The following RNF17 variants were observed in gnomAD, a reference collection of about 807,000 sequenced individuals.
The protein encoded by RNF17 is ring finger protein 17.
RNF17 carries 31 observed loss-of-function variants against 200.5 expected under a neutral mutation model. The ratio of observed to expected loss-of-function variants is 0.15; its 90% confidence interval spans 0.12 to 0.21. The LOEUF is 0.21. Ranked by LOEUF, RNF17 falls within the 10% of genes least tolerant of loss-of-function variation. RNF17 has a pLI of 1.00. For synonymous variants in RNF17, 606 were observed against 637.8 expected (o/e 0.95, Z 0.75); for missense variants, 1,628 against 1,905.1 (o/e 0.85, Z 2.71).
intron 10 of RNF17, among the ~76,000 whole-genome samples, chr13:24,793,863 CTAA>C (rs1167093337): frequency 6.6e-6 from 1 of 152,150 alleles, no homozygotes; most frequent in African/African-American, 2.4e-5. Flanking sequence ...TAGTTTTATA[CTAA>C]TAGTCTCCTT....
At chr13:24,809,634 A>C (rs1355447990) in intron 15 of RNF17, among the ~76,000 whole-genome samples, 2 of 151,366 alleles carry the variant, frequency 1.3e-5, no homozygotes, top group East Asian at 3.9e-4. Context: ...TTGTGTCTCT[A>C]TTTCCTTCAG....
chr13:24,780,889 AAAAATT>A (rs1271185314), intron 5 of RNF17, among the ~76,000 whole-genome samples: 1 of 148,558 alleles, frequency 6.7e-6, no homozygotes, highest in African/African-American at 2.6e-5. Flanking sequence ...TTCCAAAAAA[AAAAATT>A]AAAAATTAAT....
the RNF17 span, among the ~76,000 whole-genome samples, chr13:24,747,988 T>C: frequency 6.6e-6 from 1 of 152,146 alleles, no homozygotes; most frequent in Non-Finnish European, 1.5e-5. Context: ...CAGTCGGGCC[T>C]GGCCCTGCTG....
At chr13:24,799,626 C>T (rs757624920) in intron 12 of RNF17, 42 bp downstream of exon 12, 1 of 1,269,978 alleles carries the variant, frequency 7.9e-7, no homozygotes, top group South Asian at 1.3e-5. Context: ...TGCTTAGAAA[C>T]ATTTTGGAGG....
Position 24,764,217 on chromosome 13 carries a change from CT to C in RNF17, c.16del (p.Ser6ArgfsTer56). MAAE[A>X]SKTGPSRSSY... Reference sequence around the variant, plus strand: ...AAAGAGACAGCGATGGCGGCAGAGGCTTCGAAGACTGGGCCTTCTAGGTCTT... The same window carrying C: ...AAAGAGACAGCGATGGCGGCAGAGGCTCGAAGACTGGGCCTTCTAGGTCTT... On this transcript the variant is annotated frameshift_variant, in exon 1 of 36. Coordinates refer to ENST00000255324, the MANE Select transcript of RNF17 (RefSeq NM_031277.3). LOFTEE classifies it high-confidence loss of function. 6.3e-7 allele frequency: 1 copy of C among 1,597,948 alleles called. No homozygotes were observed. Among genetic ancestry groups the C allele is most frequent in the Non-Finnish European group, 8.6e-7 (1 of 1,167,404 alleles).
chr13:24,885,152 A>G, the RNF17 span: 3 of 693,666 alleles, frequency 4.3e-6, no homozygotes, highest in South Asian at 5.0e-5. Context: ...TGAATCTCTG[A>G]ACGAGAAATG....
chr13:24,769,067 C>T (rs751647471), intron 2 of RNF17, among the ~76,000 whole-genome samples: 22 of 141,544 alleles, frequency 1.6e-4, no homozygotes, highest in Non-Finnish European at 2.9e-4. Context: ...GAGCCCTCCT[C>T]ATGTGGTTGT....
chr13:24,851,363 GA>G lies in RNF17; in HGVS notation c.3205-90del. The G allele has an allele frequency of 7.0e-6, 6 of 861,632 alleles. No homozygotes were observed. In the South Asian group the frequency reaches 9.1e-5, roughly 13 times the overall value. 53.4% of individuals were successfully genotyped at this position (861,632 alleles called of 1,614,324 possible). A position where few individuals can be genotyped will look rare whatever the true frequency, so the allele number is the denominator to read the frequency against. On this transcript the variant is annotated intron_variant, in intron 23 of 35. Transcript: ENST00000255324. ...CAGCTGGGAATATTTCTTGCTTAGA[GA>G]AATGTAGAAGAACTGCCTGTGAAAT...
intron 16 of RNF17, among the ~76,000 whole-genome samples, chr13:24,827,353 C>G (rs1471690058): frequency 6.6e-6 from 1 of 152,078 alleles, no homozygotes; most frequent in Admixed American, 6.6e-5. Context: ...ACTATTCTTG[C>G]AACCTGAGTT....
chr13:24,749,307 C>CTTTCTTTCTT, the RNF17 span, among the ~76,000 whole-genome samples: 24 of 108,032 alleles, frequency 2.2e-4, no homozygotes, highest in African/African-American at 2.8e-4. Context: ...TTCTTTCTTT[C>CTTTCTTTCTT]TTTTTTTTTT....
intron 2 of RNF17, among the ~76,000 whole-genome samples, chr13:24,772,768 G>A (rs896937780): frequency 1.3e-5 from 2 of 151,860 alleles, no homozygotes; most frequent in Admixed American, 6.6e-5. Context: ...CCACCACCAC[G>A]CCCAGCTAAT....
At chr13:24,785,383 T>C (rs1418134683) in intron 6 of RNF17, among the ~76,000 whole-genome samples, 2 of 152,208 alleles carry the variant, frequency 1.3e-5, no homozygotes, top group Admixed American at 1.3e-4. Context: ...CTTCCGGGGT[T>C]TTTTTCCTGT....
chr13:24,799,792 A>G (rs536636847), intron 12 of RNF17, among the ~76,000 whole-genome samples: 36 of 152,290 alleles, frequency 2.4e-4, no homozygotes, highest in African/African-American at 6.3e-4. Context: ...AGCTTAGAAA[A>G]GGAACTCCAA....
intron 11 of RNF17, among the ~76,000 whole-genome samples, chr13:24,797,067 C>T (rs2137690009): frequency 6.6e-6 from 1 of 152,166 alleles, no homozygotes; most frequent in Non-Finnish European, 1.5e-5. Context: ...AATTCTAAAA[C>T]TTAAAAAATA....
intron 33 of RNF17, among the ~76,000 whole-genome samples, chr13:24,876,624 G>A (rs1327594364): frequency 1.4e-5 from 2 of 147,508 alleles, no homozygotes; most frequent in African/African-American, 4.9e-5. Context: ...TCTAGTAGGT[G>A]TGAGGTGGAG....
chr13:24,831,823 T>C (rs760035055), intron 17 of RNF17, 35 bp from the exon 18 acceptor site: 3 of 1,572,408 alleles, frequency 1.9e-6, no homozygotes, highest in Admixed American at 4.1e-5. Context: ...AGAAATTAAA[T>C]TTTTTTCTTA....
intron 22 of RNF17, among the ~76,000 whole-genome samples, chr13:24,846,775 C>T (rs1891301569): frequency 6.6e-6 from 1 of 152,132 alleles, no homozygotes. Flanking sequence ...TCAAAGCTGT[C>T]CTGGGCCGTG....
At chr13:24,855,911 A>G (rs1892425366) in intron 25 of RNF17, among the ~76,000 whole-genome samples, 1 of 152,134 alleles carries the variant, frequency 6.6e-6, no homozygotes, top group South Asian at 2.1e-4. Context: ...ATGCCTATCC[A>G]TGTCTTCGCT....
intron 24 of RNF17, among the ~76,000 whole-genome samples, chr13:24,851,955 GATGTATTTATATGAAATGTAA>G (rs1465773378): frequency 6.6e-6 from 1 of 152,050 alleles, no homozygotes; most frequent in Non-Finnish European, 1.5e-5. Flanking sequence ...ATACCTACTA[GATGTATTTATATGAAATGTAA>G]ATGTATTTAT....
Sources: allele counts gnomAD v4.1 joint callset (sites outside exome capture counted in the v4.1 genomes callset), GRCh38; gene constraint gnomAD v4.1.1; transcripts MANE v1.5; gene names NCBI Gene and HGNC (gene_info 2026-07-23, HGNC 2026-07-21).